Variants in LMF2 observed in about 807,000 individuals in gnomAD.
LMF2 encodes the protein transmembrane protein 112B.
In LMF2, 113 loss-of-function variants were observed where a neutral mutation model predicts 81.5. The observed-to-expected ratio is 1.39, with a 90% CI of 1.19 to 1.62. LMF2 has a LOEUF of 1.62. Among genes scored for constraint, LMF2 ranks in the 40% most tolerant of loss-of-function variants. The pLI is 0.00. For missense variants in LMF2, 1,235 were observed against 929.1 expected (o/e 1.33, Z -4.28); for synonymous variants, 645 against 424.5 (o/e 1.52, Z -6.39).
Position 50,506,399 on chromosome 22 carries a change from G to C in LMF2, c.481C>G (p.Leu161Val). Residue 161 changes from leucine to valine, a missense_variant, in exon 4 of 14, where the codon CTG becomes GTG. Physicochemically the swap from Leu to Val is conservative, Grantham distance 32. Coordinates refer to ENST00000474879, the MANE Select transcript of LMF2 (RefSeq NM_033200.3). ...EAPQGRQAGA[L>V]PHEDLPFWLV... is the part of the protein sequence containing the mutation. Reference sequence around the variant, plus strand: ...CAGAAGGGGAGGTCTTCGTGGGGCAGGGCCCCTGCCTGCCTGCCCTGGGGG... The same window carrying C: ...CAGAAGGGGAGGTCTTCGTGGGGCACGGCCCCTGCCTGCCTGCCCTGGGGG... 1 of 1,550,084 alleles carries C rather than the reference G, an allele frequency of 6.5e-7. No homozygotes were observed. Among genetic ancestry groups the C allele is most frequent in the Non-Finnish European group, 8.7e-7 (1 of 1,147,498 alleles).
rs3178751 is a variant in LMF2 at position 50,503,472 on chromosome 22, G to A, written c.2043C>T (p.Asp681=). 6.3e-7 allele frequency: 1 copy of A among 1,595,410 alleles called. No homozygotes were observed. Among genetic ancestry groups the A allele is most frequent in the Non-Finnish European group, 8.5e-7 (1 of 1,174,034 alleles). ...GEKRRPASQK[D]SGAASEQATA... Reference sequence around the variant, plus strand: ...TGGCCTGTTCGGAGGCAGCTCCGGAGTCTTTCTGGGAGGCTGGCCTGCGCT... The same window carrying A: ...TGGCCTGTTCGGAGGCAGCTCCGGAATCTTTCTGGGAGGCTGGCCTGCGCT... Residue 681 remains aspartate, a synonymous_variant, in exon 14 of 14, where the codon GAC becomes GAT. Transcript: ENST00000474879.
Position 50,504,927 on chromosome 22 carries a change from G to T in LMF2, c.1312C>A (p.Arg438Ser), listed in dbSNP as rs200413792. The T allele has an allele frequency of 6.2e-7, 1 of 1,607,436 alleles. No individual in the cohort carries two copies. Among genetic ancestry groups the T allele is most frequent in the South Asian group, 1.1e-5 (1 of 90,752 alleles). ...AGGTGCTCCACGGCACCAAACAGGC[G>T]GTGGGCCCCGGTCCAGAGGCGCCCG... ...THGRLWTGAHRLFGAVEHLQL... is the reference protein window; with the variant it reads ...THGRLWTGAHSLFGAVEHLQL... Residue 438 changes from arginine (R) to serine (S), a missense_variant, in exon 10 of 14, where the codon CGC (arginine) becomes AGC (serine). Arg to Ser is a moderately radical substitution (Grantham distance 110, BLOSUM62 -1). Transcript: ENST00000474879.
chr22:50,506,178 T>G lies in LMF2; in HGVS notation c.631A>C (p.Thr211Pro), dbSNP rs918296286. Residue 211 changes from threonine to proline, a missense_variant, in exon 5 of 14, where the codon ACG becomes CCG. Physicochemically the swap from Thr to Pro is conservative, Grantham distance 38. Transcript: ENST00000474879. ...TGGTGTGCGAACCAGGCGGCGGGCG[T>G]GGGCAGGCACTGGGTCTCGTAGTGG... Reference protein sequence around the residue: ...TYHYETQCLPTPAAWFAHHLP... With the variant: ...TYHYETQCLPPPAAWFAHHLP... 2 of 1,562,702 alleles carry G rather than the reference T, an allele frequency of 1.3e-6. No individual in the cohort carries two copies. The highest frequency in any genetic ancestry group is 2.7e-5 in the African/African-American group (2 of 73,814).
intron 11 of LMF2, 44 bp from the exon 12 acceptor site, chr22:50,504,495 GCCCCTCCCCT>G: frequency 1.5e-6 from 2 of 1,339,576 alleles, no homozygotes; most frequent in Non-Finnish European, 1.0e-6. Context: ...TACCCGCCCT[GCCCCTCCCCT>G]CCCCACCCCG....
Position 50,504,638 on chromosome 22 carries a change from C to T in LMF2, c.1527G>A (p.Trp509Ter), listed in dbSNP as rs754468936. The T allele has an allele frequency of 6.2e-7, 1 of 1,608,476 alleles. No individual in the cohort carries two copies. Among genetic ancestry groups the T allele is most frequent in the South Asian group, 1.1e-5 (1 of 91,022 alleles). ...PHQPRLDWQMWFAALGPHTHS... is the reference protein window; with the variant it reads ...PHQPRLDWQM ...GCGTGTGTGGGCCCAGGGCTGCAAA[C>T]CACATCTGCCAGTCCAGGCGTGGCT... The change falls in exon 11 of 14, where the codon TGG becomes TGA. Residue 509 changes from tryptophan to a stop codon, truncating the protein, a stop_gained. Coordinates refer to ENST00000474879, the MANE Select transcript of LMF2 (RefSeq NM_033200.3). LOFTEE classifies it high-confidence loss of function.
At position 50,506,782 on chromosome 22, in the gene LMF2, C is replaced by T. The variant is rs1379923967; in HGVS notation, c.348G>A (p.Gln116=). Residue 116 remains glutamine (Q), a splice_region_variant and synonymous_variant, in exon 2 of 14, where the codon CAG becomes CAA. Coordinates refer to ENST00000474879, the MANE Select transcript of LMF2 (RefSeq NM_033200.3). The part of the protein sequence containing the change: ...LLWAAYLSAC[Q]VGQVFLYFQW... Reference sequence around the variant, plus strand: ...TGAGCTGGTCACAGGTCCCACTTGCCTGGCAGGCTGACAGGTAGGCGGCCC... The same window carrying T: ...TGAGCTGGTCACAGGTCCCACTTGCTTGGCAGGCTGACAGGTAGGCGGCCC... 1.2e-6 allele frequency: 2 copies of T among 1,612,844 alleles called. No homozygotes were observed. The highest frequency in any genetic ancestry group is 1.7e-5 in the Admixed American group (1 of 59,942).
At chr22:50,506,564 C>G in intron 3 of LMF2, 62 bp from the exon 4 acceptor site, 2 of 1,587,566 alleles carry the variant, frequency 1.3e-6, no homozygotes, top group Non-Finnish European at 1.7e-6. Flanking sequence ...CTCGGAAAGT[C>G]CTCCCAGGAA....
chr22:50,505,129 T>G lies in LMF2; in HGVS notation c.1182A>C (p.Leu394=), dbSNP rs1488874537. 1 of 1,612,772 alleles carries G rather than the reference T, an allele frequency of 6.2e-7. No individual in the cohort carries two copies. Among genetic ancestry groups the G allele is most frequent in the Admixed American group, 1.7e-5 (1 of 60,006 alleles). The stretch of plus-strand genomic sequence containing the variant: ...GTTGGACTACAGCACTGAGCTTCCG[T>G]AGCCAGCCCCGCACCTGGGTCCACC... ...LWRWTQVRGW[L]RKLSAVVQLS... Residue 394 remains leucine, a synonymous_variant, in exon 9 of 14, where the codon CTA becomes CTC. Coordinates refer to ENST00000474879, the MANE Select transcript of LMF2 (RefSeq NM_033200.3).
At chr22:50,505,650 G>A (rs2068541524) in intron 6 of LMF2, 24 bp downstream of exon 6, 1 of 1,611,970 alleles carries the variant, frequency 6.2e-7, no homozygotes, top group Admixed American at 1.7e-5. Flanking sequence ...TGGGAGGGCA[G>A]GGGGCTGGAC....
In LMF2 at chr22:50,506,294, C is replaced by T; in HGVS notation, c.586G>A (p.Gly196Arg). 1 of 1,549,176 alleles carries T rather than the reference C, an allele frequency of 6.5e-7. No homozygotes were observed. The highest frequency in any genetic ancestry group is 1.2e-5 in the South Asian group (1 of 84,008). Residue 196 changes from glycine (G) to arginine (R), a missense_variant, in exon 4 of 14, where the codon GGG becomes AGG. Coordinates refer to ENST00000474879, the MANE Select transcript of LMF2 (RefSeq NM_033200.3). ...KLTSRCPAWW[G>R]LTALTYHYET... is the part of the protein sequence containing the mutation. Reference sequence around the variant, plus strand: ...AGACCGGGCCCCTCACCAGTGAGCCCCCACCACGCAGGGCAGCGGCTGGTC... The same window carrying T: ...AGACCGGGCCCCTCACCAGTGAGCCTCCACCACGCAGGGCAGCGGCTGGTC...
At position 50,506,690 on chromosome 22, in the gene LMF2, G is replaced by A. The variant is rs111278766; in HGVS notation, c.349-24C>T. 2.9e-3 allele frequency: 4,745 copies of A among 1,613,710 alleles called. 102 individuals carry two copies. In the African/African-American group the frequency reaches 0.049, roughly 17 times the overall value. On this transcript the variant is annotated intron_variant, in intron 2 of 13. Coordinates refer to ENST00000474879, the MANE Select transcript of LMF2 (RefSeq NM_033200.3). Reference sequence around the variant, plus strand: ...ACCTGCGGAGAGAGGGGCTGTCAGGGAGCGGGTGTGTCTGTGGACTCAGGT... The same window carrying A: ...ACCTGCGGAGAGAGGGGCTGTCAGGAAGCGGGTGTGTCTGTGGACTCAGGT...
rs779163402 is a variant in LMF2 at position 50,505,744 on chromosome 22, G to T, written c.846C>A (p.Thr282=). 1 of 1,613,152 alleles carries T rather than the reference G, an allele frequency of 6.2e-7. No individual in the cohort carries two copies. The highest frequency in any genetic ancestry group is 8.5e-7 in the Non-Finnish European group (1 of 1,179,922). ...NFFNLMTLVL[T]TALLDDQHLA... Reference sequence around the variant, plus strand: ...GGTGCTGGTCGTCCAGCAGCGCAGTGGTAAGCACCAGCGTCATCAGGTTGA... The same window carrying T: ...GGTGCTGGTCGTCCAGCAGCGCAGTTGTAAGCACCAGCGTCATCAGGTTGA... Residue 282 remains threonine (T), a synonymous_variant, in exon 6 of 14, where the codon ACC becomes ACA. Transcript: ENST00000474879.
rs756547008 is a variant in LMF2, at chr22:50,505,735, C to G, written c.855G>C (p.Leu285=). 1 of 1,613,122 alleles carries G rather than the reference C, an allele frequency of 6.2e-7. No individual in the cohort carries two copies. Among genetic ancestry groups the G allele is most frequent in the Non-Finnish European group, 8.5e-7 (1 of 1,179,940 alleles). The change falls in exon 6 of 14, where the codon CTG becomes CTC. Residue 285 remains leucine, a synonymous_variant. Transcript: ENST00000474879. ...NLMTLVLTTA[L]LDDQHLAAEP... is the part of the protein sequence containing the mutation. ...CAGCAGCCAGGTGCTGGTCGTCCAG[C>G]AGCGCAGTGGTAAGCACCAGCGTCA...
rs781069997 is a variant in LMF2, at chr22:50,504,948, G to A, written c.1291C>T (p.Arg431Cys). Residue 431 changes from arginine to cysteine, a missense_variant, in exon 10 of 14, where the codon CGC (arginine) becomes TGC (cysteine). By Grantham distance (180) the Arg-to-Cys change is radical. Transcript: ENST00000474879. ...AGGCGGTGGGCCCCGGTCCAGAGGCGCCCGTGGGTCCCGGGCTCCACGTAG... is the reference window on the plus strand; with the variant it reads ...AGGCGGTGGGCCCCGGTCCAGAGGCACCCGTGGGTCCCGGGCTCCACGTAG... ...YSYVEPGTHG[R>C]LWTGAHRLFG... 3.7e-6 allele frequency: 6 copies of A among 1,607,390 alleles called. No homozygotes were observed. The highest frequency in any genetic ancestry group is 1.3e-5 in the African/African-American group (1 of 74,814).
At position 50,504,859 on chromosome 22, in the gene LMF2, C is replaced by T. The variant is rs764604898; in HGVS notation, c.1380G>A (p.Gly460=). ...NSYGLFRRMT[G]LGGRPEVVLE... ...GCACCACCTCAGGCCGTCCACCAAG[C>T]CCAGTCATGCGGCGGAAGAGGCCGT... Residue 460 remains glycine, a synonymous_variant, in exon 10 of 14, where the codon GGG becomes GGA. Coordinates refer to ENST00000474879, the MANE Select transcript of LMF2 (RefSeq NM_033200.3). The T allele has an allele frequency of 6.2e-7, 1 of 1,611,330 alleles. No individual in the cohort carries two copies. Among genetic ancestry groups the T allele is most frequent in the Non-Finnish European group, 8.5e-7 (1 of 1,179,080 alleles).
chr22:50,505,129 T>C lies in LMF2; in HGVS notation c.1182A>G (p.Leu394=). 3 of 1,612,892 alleles carry C rather than the reference T, an allele frequency of 1.9e-6. No homozygotes were observed. The highest frequency in any genetic ancestry group is 2.5e-6 in the Non-Finnish European group (3 of 1,179,970). ...GTTGGACTACAGCACTGAGCTTCCG[T>C]AGCCAGCCCCGCACCTGGGTCCACC... The part of the protein sequence containing the change: ...LWRWTQVRGW[L]RKLSAVVQLS... Residue 394 remains leucine (L), a synonymous_variant, in exon 9 of 14, where the codon CTA becomes CTG. Transcript: ENST00000474879.
chr22:50,506,085 G>GGGGC lies in LMF2; in HGVS notation c.720_723dup (p.Leu242AlafsTer54). 1 of 1,591,782 alleles carries GGGGC rather than the reference G, an allele frequency of 6.3e-7. No individual in the cohort carries two copies. Among genetic ancestry groups the GGGGC allele is most frequent in the Non-Finnish European group, 8.6e-7 (1 of 1,169,512 alleles). ...AGGCGTCGAATGGGGGCGAAGAACA[G>GGGGC]GGGCGGCACAGCGATCTCAATTAGG... is the stretch of plus-strand genomic sequence containing the variant. On this transcript the variant is annotated frameshift_variant, in exon 5 of 14. Coordinates refer to ENST00000474879, the MANE Select transcript of LMF2 (RefSeq NM_033200.3). LOFTEE classifies it high-confidence loss of function.
At position 50,506,373 on chromosome 22, in the gene LMF2, C is replaced by G; in HGVS notation, c.507G>C (p.Trp169Cys). The change falls in exon 4 of 14, where the codon TGG (tryptophan) becomes TGC (cysteine). Residue 169 changes from tryptophan to cysteine, a missense_variant. Transcript: ENST00000474879. ...GGCGGAACAGCAGCCATCGCACCAG[C>G]CAGAAGGGGAGGTCTTCGTGGGGCA... ...GALPHEDLPF[W>C]LVRWLLFRLM... The G allele has an allele frequency of 6.5e-7, 1 of 1,549,862 alleles. No individual in the cohort carries two copies. The highest frequency in any genetic ancestry group is 8.7e-7 in the Non-Finnish European group (1 of 1,147,104).
intron 13 of LMF2, 43 bp from the exon 14 acceptor site, chr22:50,503,742 T>C (rs764639766): frequency 2.5e-6 from 4 of 1,589,816 alleles, no homozygotes; most frequent in Admixed American, 3.4e-5. Context: ...AAGTGCTTAC[T>C]GGGTTTACCC....
Sources: allele counts gnomAD v4.1 joint callset, GRCh38; gene constraint gnomAD v4.1.1; transcripts MANE v1.5; gene names NCBI Gene and HGNC (gene_info 2026-07-23, HGNC 2026-07-21).